Variants in PTPRT observed in about 807,000 individuals in gnomAD.
PTPRT encodes the protein protein tyrosine phosphatase receptor type T, also known as receptor-type tyrosine-protein phosphatase T.
Under a neutral mutation model 176.8 loss-of-function variants are expected in PTPRT, and 56 were observed. That is an observed-to-expected ratio of 0.32 (90% CI 0.26 to 0.40). The LOEUF (loss-of-function observed/expected upper bound fraction) is 0.40, where lower values mean the gene tolerates loss of function less well. Among genes scored for constraint, PTPRT ranks in the 10% least tolerant of loss-of-function variants. The probability of loss-of-function intolerance (pLI) is 1.00; values close to 1 mark genes in which losing one functional copy is unlikely to be tolerated. For synonymous variants in PTPRT, 783 were observed against 739.0 expected, an observed-to-expected ratio of 1.06 and a Z score of -0.96; for missense variants, 1,540 against 1,908.2, an observed-to-expected ratio of 0.81 and a Z score of 3.60.
At chr20:42,962,530 C>G (rs548957338) in intron 1 of PTPRT, among the ~76,000 whole-genome samples, 1 of 151,880 alleles carries the variant, frequency 6.6e-6, no homozygotes, top group East Asian at 1.9e-4. Flanking sequence ...TTTTTCCAAG[C>G]ATACAAAAAG....
intron 22 of PTPRT, among the ~76,000 whole-genome samples, chr20:42,113,879 C>G (rs1401177937): frequency 2.0e-5 from 3 of 152,198 alleles, no homozygotes; most frequent in Admixed American, 6.5e-5. Flanking sequence ...TCACCCGAGA[C>G]TGCAGATTCA....
intron 1 of PTPRT, among the ~76,000 whole-genome samples, chr20:42,941,085 AAAAAATAAT>A (rs1355488770): frequency 5.3e-5 from 8 of 151,214 alleles, no homozygotes; most frequent in Admixed American, 2.6e-4. Flanking sequence ...CCATCTCAAA[AAAAAATAAT>A]AATAATAATA....
At chr20:42,277,477 G>A (rs1404466833) in intron 13 of PTPRT, among the ~76,000 whole-genome samples, 2 of 152,222 alleles carry the variant, frequency 1.3e-5, no homozygotes, top group Admixed American at 6.5e-5. Flanking sequence ...CCAATGGAAA[G>A]AAGCAAGCAT....
chr20:42,611,782 T>C (rs2073980624), intron 7 of PTPRT, among the ~76,000 whole-genome samples: 1 of 152,074 alleles, frequency 6.6e-6, no homozygotes, highest in African/African-American at 2.4e-5. Flanking sequence ...TGCCATGAAA[T>C]AAACCAACAT....
At chr20:42,781,415 C>T (rs12480719) in intron 3 of PTPRT, among the ~76,000 whole-genome samples, 24,345 of 152,078 alleles carry the variant, frequency 0.16, 2,146 homozygotes, top group Non-Finnish European at 0.18. Flanking sequence ...TTTTTACCCA[C>T]TGACTTGATA....
rs138715965 is a variant in PTPRT at position 43,014,163 on chromosome 20, T to C, written c.89-128231A>G. On this transcript the variant is annotated intron_variant, in intron 1 of 30. Coordinates refer to ENST00000373187, the MANE Select transcript of PTPRT (RefSeq NM_007050.6). The stretch of plus-strand genomic sequence containing the variant: ...ATTCTCTCATTTTTGGAAAAAGAGT[T>C]CCCCCTGAGGACCTGGTAACCACAT... Among the ~76,000 whole-genome samples, 615 of 152,184 alleles carry C rather than the reference T, an allele frequency of 4.0e-3. 5 individuals are homozygous for C. Among genetic ancestry groups the C allele is most frequent in the African/African-American group, 0.012 (511 of 41,498 alleles).
chr20:42,995,919 G>A (rs1007813745), intron 1 of PTPRT, among the ~76,000 whole-genome samples: 3 of 151,912 alleles, frequency 2.0e-5, no homozygotes, highest in South Asian at 2.1e-4. Flanking sequence ...GGGCTCAAGC[G>A]ATCCTCCTGC....
At chr20:42,518,972 C>T (rs1336910349) in intron 7 of PTPRT, among the ~76,000 whole-genome samples, 2 of 152,178 alleles carry the variant, frequency 1.3e-5, no homozygotes, top group Non-Finnish European at 2.9e-5. Flanking sequence ...ATAAAGCTCT[C>T]ATGTACCCTT....
chr20:42,123,681 G>T (rs1341008845), intron 19 of PTPRT, among the ~76,000 whole-genome samples: 1 of 152,118 alleles, frequency 6.6e-6, no homozygotes, highest in African/African-American at 2.4e-5. Context: ...GGGATCACAT[G>T]TCCATCCAGA....
In PTPRT at chr20:42,397,433, T is replaced by G. The variant is rs373209145; in HGVS notation, c.1561-45148A>C. ...GAGTGTAGTACCCAATAGGTAGTTTTTCAGCCCTTGCTACCACCCTCCATT... is the reference window on the plus strand; with the variant it reads ...GAGTGTAGTACCCAATAGGTAGTTTGTCAGCCCTTGCTACCACCCTCCATT... On this transcript the variant is annotated intron_variant, in intron 9 of 30. Transcript: ENST00000373187. Among the ~76,000 whole-genome samples, 32 of 152,316 alleles carry G rather than the reference T, an allele frequency of 2.1e-4. No homozygotes were observed. In the South Asian group the frequency reaches 6.4e-3, roughly 31 times the overall value.
intron 3 of PTPRT, among the ~76,000 whole-genome samples, chr20:42,789,806 C>G (rs996006228): frequency 6.6e-5 from 10 of 152,178 alleles, no homozygotes. Context: ...TCTGATTTCT[C>G]GTTACCAAGG....
intron 1 of PTPRT, among the ~76,000 whole-genome samples, chr20:42,981,179 G>A (rs76251612): frequency 4.3e-3 from 654 of 152,248 alleles, no homozygotes; most frequent in Middle Eastern, 0.024. Context: ...AAATTTGTCA[G>A]GTGCAATTTT....
rs146373999 is a variant in PTPRT at position 42,255,543 on chromosome 20, A to G, written c.2177-6721T>C. Among the ~76,000 whole-genome samples the G allele has an allele frequency of 7.0e-4, 106 of 152,334 alleles. 3 individuals carry two copies. The South Asian group carries it at 0.013, about 19-fold the overall frequency. On this transcript the variant is annotated intron_variant, in intron 13 of 30. Transcript: ENST00000373187. ...TCCTCAGGATAAAGGCAGAGCCCCT[A>G]GAGTGATTCACTTAACTTTCCTCAT...
intron 9 of PTPRT, among the ~76,000 whole-genome samples, chr20:42,379,834 A>G (rs1217374234): frequency 6.6e-6 from 1 of 152,238 alleles, no homozygotes; most frequent in Non-Finnish European, 1.5e-5. Context: ...CTTGTGTGAG[A>G]TCAGCAGGAT....
intron 27 of PTPRT, among the ~76,000 whole-genome samples, chr20:42,097,869 C>T (rs569079419): frequency 9.2e-5 from 14 of 152,306 alleles, no homozygotes; most frequent in South Asian, 8.3e-4. Flanking sequence ...GCTGTAGGCA[C>T]GTGATGCTTG....
the PTPRT span, among the ~76,000 whole-genome samples, chr20:42,035,846 C>G: frequency 6.6e-6 from 1 of 152,192 alleles, no homozygotes; most frequent in Non-Finnish European, 1.5e-5. Context: ...ATGATGCCCT[C>G]AGTGCCACAG....
At chr20:42,477,051 G>C (rs1317331515) in intron 7 of PTPRT, among the ~76,000 whole-genome samples, 2 of 152,186 alleles carry the variant, frequency 1.3e-5, no homozygotes, top group Admixed American at 1.3e-4. Flanking sequence ...TAAGTGTGCA[G>C]CGACCTCAGT....
chr20:42,428,711 T>C (rs2059188949), intron 9 of PTPRT, among the ~76,000 whole-genome samples: 1 of 152,184 alleles, frequency 6.6e-6, no homozygotes, highest in Non-Finnish European at 1.5e-5. Flanking sequence ...GACGATGAAG[T>C]CACCTCCATT....
chr20:42,469,600 C>T (rs1326244176), intron 8 of PTPRT, among the ~76,000 whole-genome samples: 11 of 152,180 alleles, frequency 7.2e-5, no homozygotes. Context: ...TCTGACAGCG[C>T]ACAATTCTAC....
Sources: allele counts gnomAD v4.1 joint callset (sites outside exome capture counted in the v4.1 genomes callset), GRCh38; gene constraint gnomAD v4.1.1; transcripts MANE v1.5; gene names NCBI Gene and HGNC (gene_info 2026-07-23, HGNC 2026-07-21).